PAPOLA: variants seen among roughly 807,000 people sequenced by gnomAD.
The protein encoded by PAPOLA is poly(A) polymerase alpha.
A neutral mutation model predicts 100.6 loss-of-function variants in PAPOLA; 15 were observed. The observed-to-expected ratio is 0.15, with a 90% CI of 0.10 to 0.23. The LOEUF (loss-of-function observed/expected upper bound fraction) is 0.23, where lower values mean the gene tolerates loss of function less well. PAPOLA is among the 10% of genes least tolerant of loss of function. The probability of loss-of-function intolerance (pLI) is 1.00; values close to 1 mark genes in which losing one functional copy is unlikely to be tolerated. For synonymous variants in PAPOLA, 293 were observed against 300.0 expected (o/e 0.98, Z 0.24); for missense variants, 533 against 884.2 (o/e 0.60, Z 5.04).
At chr14:96,517,948 C>G (rs565091454) in intron 1 of PAPOLA, among the ~76,000 whole-genome samples, 9 of 152,214 alleles carry the variant, frequency 5.9e-5, no homozygotes, top group African/African-American at 2.2e-4. Flanking sequence ...ATCATCTGCC[C>G]TCCTCGGCCC....
intron 21 of PAPOLA, among the ~76,000 whole-genome samples, chr14:96,563,511 A>G (rs1338095156): frequency 6.6e-6 from 1 of 152,150 alleles, no homozygotes; most frequent in Non-Finnish European, 1.5e-5. Flanking sequence ...CCTAACATCT[A>G]GCTCAAATTC....
At chr14:96,514,181 T>TTC (rs1212321995) in intron 1 of PAPOLA, among the ~76,000 whole-genome samples, 2 of 113,582 alleles carry the variant, frequency 1.8e-5, no homozygotes, top group Non-Finnish European at 3.6e-5. Context: ...ATTAGGTATC[T>TTC]TTTTTTTTTT....
rs528633636 is a variant in PAPOLA at position 96,565,428 on chromosome 14, A to AT, written c.*383dup. The AT allele has an allele frequency of 6.6e-4, 215 of 327,456 alleles. 1 individual carries two copies. The highest frequency in any genetic ancestry group is 4.3e-3 in the African/African-American group (203 of 47,412). The allele number at this position is 327,456 out of a possible 1,614,324, so 20.3% of individuals were successfully genotyped here. ...TTATTCTGATGATGCACTTTTATGT[A>AT]TTTTTCATTAGAAAGTAGAACTAAT... On this transcript the variant is annotated 3_prime_UTR_variant, in exon 22 of 22. Coordinates refer to ENST00000216277, the MANE Select transcript of PAPOLA (RefSeq NM_032632.5).
At chr14:96,539,489 T>A (rs1054905010) in intron 12 of PAPOLA, among the ~76,000 whole-genome samples, 27 of 152,126 alleles carry the variant, frequency 1.8e-4, no homozygotes, top group Admixed American at 7.9e-4. Flanking sequence ...CTAAATTAAG[T>A]GTTTTTAGGG....
chr14:96,506,843 CAG>C (rs1165535257), intron 1 of PAPOLA, among the ~76,000 whole-genome samples: 3 of 152,184 alleles, frequency 2.0e-5, no homozygotes, highest in African/African-American at 7.2e-5. Context: ...TTTAATGCAA[CAG>C]AGTACCAAGG....
At chr14:96,517,048 T>C (rs928030341) in intron 1 of PAPOLA, among the ~76,000 whole-genome samples, 13 of 152,186 alleles carry the variant, frequency 8.5e-5, no homozygotes, top group Admixed American at 1.3e-4. Context: ...TGGAAAAGAA[T>C]GCAGAGAAAC....
intron 1 of PAPOLA, among the ~76,000 whole-genome samples, chr14:96,510,585 A>T (rs1163555698): frequency 6.6e-6 from 1 of 152,258 alleles, no homozygotes; most frequent in Non-Finnish European, 1.5e-5. Context: ...CTTTCTCTGC[A>T]TAAGCAACCT....
intron 12 of PAPOLA, among the ~76,000 whole-genome samples, chr14:96,539,020 T>G (rs943550514): frequency 6.6e-6 from 1 of 152,100 alleles, no homozygotes; most frequent in Non-Finnish European, 1.5e-5. Context: ...GAAAGACTTA[T>G]CAGTGTTCCT....
At chr14:96,524,070 A>G (rs1193709881) in intron 3 of PAPOLA, among the ~76,000 whole-genome samples, 1 of 152,152 alleles carries the variant, frequency 6.6e-6, no homozygotes, top group African/African-American at 2.4e-5. Context: ...TTTTTGGAGT[A>G]TGAAATAACA....
At position 96,536,984 on chromosome 14, in the gene PAPOLA, A is replaced by C; in HGVS notation, c.1039A>C (p.Ile347Leu). The C allele has an allele frequency of 6.3e-7, 1 of 1,588,444 alleles. No individual in the cohort carries two copies. The highest frequency in any genetic ancestry group is 8.6e-7 in the Non-Finnish European group (1 of 1,156,892). The change falls in exon 12 of 22, where the codon ATC becomes CTC. Residue 347 changes from isoleucine (I) to leucine (L), a missense_variant. Transcript: ENST00000216277. ...MVEEFKQGLA[I>L]TDEILLSKAE... ...ATATGTTTTTAATTTAGGTCTTGCT[A>C]TCACAGATGAAATTTTGCTGAGTAA...
intron 1 of PAPOLA, among the ~76,000 whole-genome samples, chr14:96,512,213 G>A (rs1897149913): frequency 6.6e-6 from 1 of 151,762 alleles, no homozygotes; most frequent in African/African-American, 2.4e-5. Context: ...TCTCAATTCT[G>A]CTTGATTGTG....
At chr14:96,549,334 C>T (rs1243826465) in intron 16 of PAPOLA, among the ~76,000 whole-genome samples, 6 of 151,722 alleles carry the variant, frequency 4.0e-5, no homozygotes, top group South Asian at 2.1e-4. Context: ...CTGCAAGCTC[C>T]GCCTCCTGGG....
intron 17 of PAPOLA, among the ~76,000 whole-genome samples, chr14:96,555,117 C>T (rs1466857799): frequency 6.6e-6 from 1 of 151,616 alleles, no homozygotes; most frequent in Non-Finnish European, 1.5e-5. Context: ...TTAACTGGGC[C>T]ACTGGATGGG....
intron 14 of PAPOLA, among the ~76,000 whole-genome samples, chr14:96,543,561 A>AT (rs35319150): frequency 6.6e-6 from 1 of 151,242 alleles, no homozygotes; most frequent in Non-Finnish European, 1.5e-5. Flanking sequence ...GATTATATAG[A>AT]TTTTTTTATT....
chr14:96,522,556 G>GT (rs1595514789), intron 3 of PAPOLA, among the ~76,000 whole-genome samples: 1 of 152,142 alleles, frequency 6.6e-6, no homozygotes. Flanking sequence ...GACTATATAG[G>GT]TGGGCACCAC....
chr14:96,511,367 C>T lies in PAPOLA; in HGVS notation c.9-8688C>T, dbSNP rs188048576. On this transcript the variant is annotated intron_variant, in intron 1 of 21. Coordinates refer to ENST00000216277, the MANE Select transcript of PAPOLA (RefSeq NM_032632.5). ...CTTGAGCCCAGGCGTTCGACACCAG[C>T]CTGGGCAACATAGTGAGATCCTGAC... Among the ~76,000 whole-genome samples the T allele has an allele frequency of 9.2e-5, 14 of 152,056 alleles. No homozygotes were observed. In the East Asian group the frequency reaches 2.5e-3, roughly 27 times the overall value.
intron 1 of PAPOLA, among the ~76,000 whole-genome samples, chr14:96,517,349 G>A (rs1313902358): frequency 6.6e-6 from 1 of 152,146 alleles, no homozygotes; most frequent in Non-Finnish European, 1.5e-5. Flanking sequence ...ACTTTGTATT[G>A]TGCACTTGAA....
Position 96,565,697 on chromosome 14 carries a change from G to A in PAPOLA, c.*647G>A. On this transcript the variant is annotated 3_prime_UTR_variant, in exon 22 of 22. Transcript: ENST00000216277. The stretch of plus-strand genomic sequence containing the variant: ...TTGGTTTTGATAGGGTCATGATTAA[G>A]AAATGATATATTGGTTTTATTTATG... 1 of 397,792 alleles carries A rather than the reference G, an allele frequency of 2.5e-6. No individual in the cohort carries two copies. Among genetic ancestry groups the A allele is most frequent in the Admixed American group, 4.4e-5 (1 of 22,708 alleles). The allele number at this position is 397,792 out of a possible 1,614,324, so 24.6% of individuals were successfully genotyped here.
In PAPOLA at chr14:96,538,296, C is replaced by T. The variant is rs150736853; in HGVS notation, c.1115+1236C>T. On this transcript the variant is annotated intron_variant, in intron 12 of 21. Transcript: ENST00000216277. ...ATTCAAACTTTGTTCTATTCACTTT[C>T]GTATAGGACTGTGACGGGGCTTCTT... Among the ~76,000 whole-genome samples, 788 of 152,016 alleles carry T rather than the reference C, an allele frequency of 5.2e-3. 9 individuals carry two copies. The highest frequency in any genetic ancestry group is 0.018 in the African/African-American group (752 of 41,530).
Sources: gnomAD v4.1 joint callset for allele counts (sites outside exome capture counted in the v4.1 genomes callset) on GRCh38, gnomAD v4.1.1 for gene constraint, MANE v1.5 for transcripts, NCBI Gene and HGNC (gene_info 2026-07-23, HGNC 2026-07-21) for gene names.